The following MIPOL1 variants were observed in gnomAD, a reference collection of about 807,000 sequenced individuals.
MIPOL1 encodes mirror-image polydactyly 1.
MIPOL1 carries 57 observed loss-of-function variants against 60.9 expected under a neutral mutation model. The observed-to-expected ratio is 0.94, with a 90% CI of 0.76 to 1.17. MIPOL1 has a LOEUF of 1.17. Ranked by LOEUF, MIPOL1 falls within the 50% of genes most tolerant of loss-of-function variation. MIPOL1 has a pLI of 0.00. For synonymous variants in MIPOL1, 179 were observed against 168.8 expected, an observed-to-expected ratio of 1.06 and a Z score of -0.47; for missense variants, 551 against 511.6, an observed-to-expected ratio of 1.08 and a Z score of -0.74.
intron 7 of MIPOL1, 127 bp downstream of exon 7, chr14:37,285,574 A>G (rs2058795598): frequency 5.5e-6 from 5 of 915,634 alleles, no homozygotes; most frequent in Non-Finnish European, 6.2e-6. Context: ...GCATGTCTCC[A>G]GTCTTTTTCT....
intron 7 of MIPOL1, among the ~76,000 whole-genome samples, chr14:37,299,580 TACTTGGAATTCC>T (rs2086181463): frequency 6.6e-6 from 1 of 152,144 alleles, no homozygotes; most frequent in Admixed American, 6.6e-5. Flanking sequence ...GTGCCATCTT[TACTTGGAATTCC>T]AATTTTTTAG....
intron 1 of MIPOL1, among the ~76,000 whole-genome samples, chr14:37,208,899 C>T (rs1197200910): frequency 6.6e-6 from 1 of 152,118 alleles, no homozygotes; most frequent in Non-Finnish European, 1.5e-5. Flanking sequence ...CCTTGTCACT[C>T]TACTTCTGGC....
chr14:37,531,135 T>G (rs1241692141), intron 12 of MIPOL1, among the ~76,000 whole-genome samples: 1 of 152,114 alleles, frequency 6.6e-6, no homozygotes, highest in Admixed American at 6.6e-5. Context: ...ATTATACTAA[T>G]TATTTTGTTT....
intron 11 of MIPOL1, among the ~76,000 whole-genome samples, chr14:37,450,912 G>C (rs1364006996): frequency 6.6e-6 from 1 of 151,944 alleles, no homozygotes. Context: ...TTCTAGCATA[G>C]AAATAAGTTG....
intron 5 of MIPOL1, among the ~76,000 whole-genome samples, chr14:37,269,148 T>G (rs2083097431): frequency 6.6e-6 from 1 of 152,138 alleles, no homozygotes; most frequent in Non-Finnish European, 1.5e-5. Context: ...TATCTTAATT[T>G]TTTTTTCTTT....
At chr14:37,231,429 C>T (rs1970611865) in intron 1 of MIPOL1, among the ~76,000 whole-genome samples, 1 of 152,078 alleles carries the variant, frequency 6.6e-6, no homozygotes, top group African/African-American at 2.4e-5. Flanking sequence ...AAATGGCTTG[C>T]ACTCAATGAT....
At chr14:37,251,228 T>C (rs1179249708) in intron 3 of MIPOL1, among the ~76,000 whole-genome samples, 1 of 151,970 alleles carries the variant, frequency 6.6e-6, no homozygotes, top group Non-Finnish European at 1.5e-5. Context: ...ATCTGGCTAA[T>C]TTTTTTAAAA....
intron 1 of MIPOL1, among the ~76,000 whole-genome samples, chr14:37,233,895 T>C (rs1198353423): frequency 6.6e-6 from 1 of 152,216 alleles, no homozygotes; most frequent in African/African-American, 2.4e-5. Flanking sequence ...ACTGTTGCCA[T>C]GGCCTTTGCT....
At chr14:37,322,187 GTTT>G in intron 9 of MIPOL1, among the ~76,000 whole-genome samples, 1 of 151,846 alleles carries the variant, frequency 6.6e-6, no homozygotes, top group East Asian at 1.9e-4. Context: ...CAGTTATTTT[GTTT>G]TTATTTAAAA....
At chr14:37,402,379 T>C (rs1240731402) in intron 10 of MIPOL1, among the ~76,000 whole-genome samples, 1 of 152,116 alleles carries the variant, frequency 6.6e-6, no homozygotes, top group Non-Finnish European at 1.5e-5. Flanking sequence ...CTATAATAGA[T>C]GTATGCAGAA....
intron 10 of MIPOL1, among the ~76,000 whole-genome samples, chr14:37,417,254 A>C (rs1405441109): frequency 6.6e-6 from 1 of 152,050 alleles, no homozygotes; most frequent in Non-Finnish European, 1.5e-5. Context: ...CCCATGAATC[A>C]GTTTCTGCCT....
intron 12 of MIPOL1, 43 bp from the exon 13 acceptor site, chr14:37,546,861 GC>G (rs1201691975): frequency 6.8e-7 from 1 of 1,470,292 alleles, no homozygotes; most frequent in Non-Finnish European, 9.5e-7. Context: ...AACAATAATT[GC>G]CCTTTTTTTC....
At chr14:37,351,777 T>A (rs1458443573) in intron 9 of MIPOL1, among the ~76,000 whole-genome samples, 1 of 120,866 alleles carries the variant, frequency 8.3e-6, no homozygotes, top group Non-Finnish European at 1.7e-5. Flanking sequence ...TCTTGTAAAT[T>A]TGTTTGAGTT....
chr14:37,484,423 C>T (rs2094917298), intron 11 of MIPOL1, among the ~76,000 whole-genome samples: 4 of 151,212 alleles, frequency 2.6e-5, no homozygotes, highest in South Asian at 4.2e-4. Flanking sequence ...CTGCAACCTC[C>T]GCCTCCCGGA....
chr14:37,466,335 CT>C (rs2094598333), intron 11 of MIPOL1, among the ~76,000 whole-genome samples: 1 of 152,030 alleles, frequency 6.6e-6, no homozygotes, highest in Non-Finnish European at 1.5e-5. Flanking sequence ...CTGATTTGTT[CT>C]TTTTCTGAGG....
chr14:37,485,294 C>T (rs988578103), intron 11 of MIPOL1, among the ~76,000 whole-genome samples: 1 of 152,114 alleles, frequency 6.6e-6, no homozygotes, highest in East Asian at 1.9e-4. Context: ...AGTAAACATA[C>T]GTGTGCATGT....
chr14:37,309,175 C>G (rs1168850142), intron 9 of MIPOL1, among the ~76,000 whole-genome samples: 1 of 150,526 alleles, frequency 6.6e-6, no homozygotes, highest in South Asian at 2.1e-4. Context: ...ACCTTGTTTC[C>G]CAGGCTGCTC....
chr14:37,407,491 A>T (rs764583669), intron 10 of MIPOL1, among the ~76,000 whole-genome samples: 2 of 152,170 alleles, frequency 1.3e-5, no homozygotes, highest in Non-Finnish European at 2.9e-5. Context: ...TTACCTTTTA[A>T]AGAGTGACAC....
intron 3 of MIPOL1, among the ~76,000 whole-genome samples, chr14:37,258,855 T>TA (rs951714882): frequency 1.3e-5 from 2 of 151,632 alleles, no homozygotes. Context: ...AACAAAAACT[T>TA]AAAAAAAATT....
Sources: allele counts gnomAD v4.1 joint callset (sites outside exome capture counted in the v4.1 genomes callset), GRCh38; gene constraint gnomAD v4.1.1; transcripts MANE v1.5; gene names NCBI Gene and HGNC (gene_info 2026-07-23, HGNC 2026-07-21).